The following SYNJ2BP variants were observed in gnomAD, a reference collection of about 807,000 sequenced individuals.
SYNJ2BP encodes synaptojanin 2 binding protein, also known as synaptojanin-2-binding protein.
Under a neutral mutation model 16.9 loss-of-function variants are expected in SYNJ2BP, and 10 were observed. That is an observed-to-expected ratio of 0.59 (90% CI 0.36 to 1.00). The LOEUF (loss-of-function observed/expected upper bound fraction) is 1.00. Among genes scored for constraint, SYNJ2BP ranks in the 50% least tolerant of loss-of-function variants. The pLI is 0.01. For missense variants in SYNJ2BP, 162 were observed against 186.7 expected (o/e 0.87, Z 0.77); for synonymous variants, 54 against 68.4 (o/e 0.79, Z 1.04).
intron 2 of SYNJ2BP, among the ~76,000 whole-genome samples, chr14:70,387,527 CA>C (rs1382783111): frequency 6.6e-6 from 1 of 152,032 alleles, no homozygotes; most frequent in East Asian, 1.9e-4. Flanking sequence ...TGCTATGATT[CA>C]AAAGGTTAAA....
chr14:70,385,089 T>C (rs1887831232), intron 2 of SYNJ2BP, among the ~76,000 whole-genome samples: 1 of 152,174 alleles, frequency 6.6e-6, no homozygotes, highest in Admixed American at 6.5e-5. Context: ...TCTTATATTT[T>C]GGTAAAGTAA....
At position 70,367,879 on chromosome 14, in the gene SYNJ2BP, A is replaced by C. The variant is rs1316237733; in HGVS notation, c.*5112T>G. 1 of 152,192 alleles carries C rather than the reference A, an allele frequency of 6.6e-6. No individual in the cohort carries two copies. The highest frequency in any genetic ancestry group is 1.5e-5 in the Non-Finnish European group (1 of 68,036). 9.4% of individuals were successfully genotyped at this position (152,192 alleles called of 1,614,324 possible). On this transcript the variant is annotated 3_prime_UTR_variant, in exon 4 of 4. Coordinates refer to ENST00000256366, the MANE Select transcript of SYNJ2BP (RefSeq NM_018373.3). ...CATATGCTGAGCAATTTCAGCTTAGAGTGACTAAGTGTTATTTATCTCTCT... is the reference window on the plus strand; with the variant it reads ...CATATGCTGAGCAATTTCAGCTTAGCGTGACTAAGTGTTATTTATCTCTCT...
intron 2 of SYNJ2BP, among the ~76,000 whole-genome samples, chr14:70,383,586 G>A (rs1250300513): frequency 6.6e-6 from 1 of 152,134 alleles, no homozygotes; most frequent in East Asian, 1.9e-4. Flanking sequence ...GACCAGCTAC[G>A]TCACCCTTAG....
intron 1 of SYNJ2BP, among the ~76,000 whole-genome samples, chr14:70,405,604 T>G (rs999338484): frequency 1.3e-5 from 2 of 152,100 alleles, no homozygotes; most frequent in African/African-American, 4.8e-5. Flanking sequence ...AATAATGGGT[T>G]TTGGGGGCCA....
chr14:70,411,264 G>C (rs967438705), intron 1 of SYNJ2BP, among the ~76,000 whole-genome samples: 4 of 152,044 alleles, frequency 2.6e-5, no homozygotes, highest in Non-Finnish European at 4.4e-5. Context: ...CTTTTTACAA[G>C]GGGACAAGAT....
At chr14:70,387,569 C>T (rs761088777) in intron 2 of SYNJ2BP, among the ~76,000 whole-genome samples, 5 of 152,124 alleles carry the variant, frequency 3.3e-5, no homozygotes, top group Admixed American at 3.3e-4. Context: ...CGGTGGCTCA[C>T]GCCTGTAATC....
At chr14:70,375,828 T>C in intron 2 of SYNJ2BP, 57 bp from the exon 3 acceptor site, 1 of 1,598,004 alleles carries the variant, frequency 6.3e-7, no homozygotes, top group Non-Finnish European at 8.5e-7. Flanking sequence ...AGTCAACAAT[T>C]TATTTTCAAA....
At chr14:70,395,673 T>C (rs11626325) in intron 1 of SYNJ2BP, among the ~76,000 whole-genome samples, 75,026 of 152,110 alleles carry the variant, frequency 0.49, 20,272 homozygotes, top group Non-Finnish European at 0.6. Context: ...CATTTTTAAA[T>C]GTATAATTCA....
chr14:70,384,823 C>A (rs2140827263), intron 2 of SYNJ2BP, among the ~76,000 whole-genome samples: 1 of 152,180 alleles, frequency 6.6e-6, no homozygotes. Context: ...TTTCCTGGGG[C>A]CTCCCCAGCC....
chr14:70,406,052 C>T (rs1027966708), intron 1 of SYNJ2BP, among the ~76,000 whole-genome samples: 1 of 152,170 alleles, frequency 6.6e-6, no homozygotes, highest in Non-Finnish European at 1.5e-5. Flanking sequence ...CAAATTCTAA[C>T]TTTAACCCTT....
chr14:70,376,415 C>A (rs1887631473), intron 2 of SYNJ2BP, among the ~76,000 whole-genome samples: 1 of 152,058 alleles, frequency 6.6e-6, no homozygotes, highest in Admixed American at 6.6e-5. Flanking sequence ...GTCACTCCTA[C>A]CACTTAGAGG....
chr14:70,381,560 C>T (rs747803926), intron 2 of SYNJ2BP, among the ~76,000 whole-genome samples: 1 of 152,188 alleles, frequency 6.6e-6, no homozygotes, highest in Non-Finnish European at 1.5e-5. Flanking sequence ...TGACTAACCA[C>T]CAAGTTCTGT....
chr14:70,404,850 G>A (rs971432090), intron 1 of SYNJ2BP, among the ~76,000 whole-genome samples: 5 of 152,188 alleles, frequency 3.3e-5, no homozygotes, highest in Non-Finnish European at 7.3e-5. Context: ...GGAGGGCCAG[G>A]TATAGCGGTT....
intron 1 of SYNJ2BP, among the ~76,000 whole-genome samples, chr14:70,407,274 A>G (rs1178993611): frequency 2.0e-5 from 3 of 152,060 alleles, no homozygotes; most frequent in Admixed American, 1.3e-4. Flanking sequence ...TAAAAATACA[A>G]AAAATTAGCC....
At chr14:70,410,850 G>A (rs1888457318) in intron 1 of SYNJ2BP, among the ~76,000 whole-genome samples, 1 of 152,128 alleles carries the variant, frequency 6.6e-6, no homozygotes, top group South Asian at 2.1e-4. Flanking sequence ...AGACACTGGG[G>A]CCTACTTAGG....
chr14:70,405,002 C>T (rs1467092724), intron 1 of SYNJ2BP, among the ~76,000 whole-genome samples: 1 of 151,984 alleles, frequency 6.6e-6, no homozygotes, highest in Non-Finnish European at 1.5e-5. Flanking sequence ...TGGTGTGTGC[C>T]TGTAGTCCCA....
At chr14:70,413,278 A>G (rs544778634) in intron 1 of SYNJ2BP, among the ~76,000 whole-genome samples, 2 of 152,244 alleles carry the variant, frequency 1.3e-5, no homozygotes, top group Non-Finnish European at 2.9e-5. Flanking sequence ...TTGAGAAAGC[A>G]GACAACAGGA....
intron 1 of SYNJ2BP, among the ~76,000 whole-genome samples, chr14:70,401,170 A>G (rs1418220474): frequency 1.3e-5 from 2 of 152,190 alleles, no homozygotes; most frequent in African/African-American, 2.4e-5. Context: ...TGCAAGCACA[A>G]GAGGGAAAAA....
chr14:70,414,701 G>C (rs1181069703), intron 1 of SYNJ2BP, among the ~76,000 whole-genome samples: 1 of 152,122 alleles, frequency 6.6e-6, no homozygotes, highest in African/African-American at 2.4e-5. Flanking sequence ...TCAAGAGGTA[G>C]TAAAATAACC....
Sources: gnomAD v4.1 joint callset for allele counts (sites outside exome capture counted in the v4.1 genomes callset) on GRCh38, gnomAD v4.1.1 for gene constraint, MANE v1.5 for transcripts, NCBI Gene and HGNC (gene_info 2026-07-23, HGNC 2026-07-21) for gene names.